Variants in KREMEN1 observed in about 807,000 individuals in gnomAD.
KREMEN1 encodes kremen protein 1.
In KREMEN1, 30 loss-of-function variants were observed where a neutral mutation model predicts 46.5. That is an observed-to-expected ratio of 0.65 (90% CI 0.48 to 0.88). KREMEN1 has a LOEUF of 0.88. Among genes scored for constraint, KREMEN1 ranks in the 40% least tolerant of loss-of-function variants. The pLI is 0.00. For synonymous variants in KREMEN1, 214 were observed against 230.6 expected, an observed-to-expected ratio of 0.93 and a Z score of 0.65; for missense variants, 533 against 596.9, an observed-to-expected ratio of 0.89 and a Z score of 1.11.
chr22:29,127,065 G>A (rs132272), intron 5 of KREMEN1, among the ~76,000 whole-genome samples: 149,012 of 152,314 alleles, frequency 0.98, 72,902 homozygotes, highest in East Asian at 1. Context: ...TGAACTTGCA[G>A]AATGCCTGGT....
At chr22:29,137,739 C>T (rs2038693508) in intron 6 of KREMEN1, 65 bp downstream of exon 6, 1 of 1,329,568 alleles carries the variant, frequency 7.5e-7, no homozygotes, top group South Asian at 1.5e-5. Flanking sequence ...CTCTTCTTCA[C>T]CCTTGTGACT....
intron 1 of KREMEN1, among the ~76,000 whole-genome samples, chr22:29,087,600 T>G (rs1190341615): frequency 6.6e-6 from 1 of 152,130 alleles, no homozygotes; most frequent in Non-Finnish European, 1.5e-5. Flanking sequence ...ATTTTACTCT[T>G]TGTTGCCCAG....
chr22:29,107,594 C>CTAAT (rs1349343457), intron 3 of KREMEN1, among the ~76,000 whole-genome samples: 1 of 151,990 alleles, frequency 6.6e-6, no homozygotes, highest in Non-Finnish European at 1.5e-5. Flanking sequence ...TTGAAATGAA[C>CTAAT]ATTAATAGGC....
Position 29,088,239 on chromosome 22 carries a change from T to A in KREMEN1, c.98-6019T>A, listed in dbSNP as rs2037756921. On this transcript the variant is annotated intron_variant, in intron 1 of 8. Coordinates refer to ENST00000400335, the MANE Select transcript of KREMEN1 (RefSeq NM_001039570.3). Reference sequence around the variant, plus strand: ...AGGATGATGTGCCCACATACTCATGTTATCTTACCTTTTATAGCTAATTAT... The same window carrying A: ...AGGATGATGTGCCCACATACTCATGATATCTTACCTTTTATAGCTAATTAT... Among the ~76,000 whole-genome samples, 2 of 152,182 alleles carry A rather than the reference T, an allele frequency of 1.3e-5. 1 individual carries two copies. Among genetic ancestry groups the A allele is most frequent in the South Asian group, 4.1e-4 (2 of 4,826 alleles).
rs1466538338 is a variant in KREMEN1 at position 29,140,301 on chromosome 22, G to A, written c.1143G>A (p.Leu381=). ...TTGCAGGATGGACAGTCTATGGTCTGGCAACTCTCCTCATCCTCACAGTCA... is the reference window on the plus strand; with the variant it reads ...TTGCAGGATGGACAGTCTATGGTCTAGCAACTCTCCTCATCCTCACAGTCA... ...QTVPGWTVYG[L]ATLLILTVTA... The change falls in exon 8 of 9, where the codon CTG becomes CTA. Residue 381 remains leucine (L), a synonymous_variant. Coordinates refer to ENST00000400335, the MANE Select transcript of KREMEN1 (RefSeq NM_001039570.3). 3.1e-6 allele frequency: 5 copies of A among 1,613,822 alleles called. No individual in the cohort carries two copies. In the African/African-American group the frequency reaches 4.0e-5, roughly 13 times the overall value.
Position 29,143,110 on chromosome 22 carries a change from A to G in KREMEN1, c.*998A>G. The G allele has an allele frequency of 2.6e-6, 2 of 771,428 alleles. No homozygotes were observed. Among genetic ancestry groups the G allele is most frequent in the Non-Finnish European group, 3.1e-6 (2 of 634,958 alleles). The allele number at this position is 771,428 out of a possible 1,614,324, so 47.8% of individuals were successfully genotyped here. The stretch of plus-strand genomic sequence containing the variant: ...GATTGCAGTGAGCCGAGATCGCACC[A>G]CTGCACTCCAGCCTGGGTGACAAGA... On this transcript the variant is annotated 3_prime_UTR_variant, in exon 9 of 9. Transcript: ENST00000400335.
intron 3 of KREMEN1, among the ~76,000 whole-genome samples, chr22:29,114,337 T>G (rs1453334525): frequency 6.6e-6 from 1 of 151,446 alleles, no homozygotes; most frequent in East Asian, 1.9e-4. Flanking sequence ...TACAAAAAAA[T>G]TAGCTAGGCA....
chr22:29,139,008 C>T (rs2038716182), intron 7 of KREMEN1, among the ~76,000 whole-genome samples: 1 of 152,188 alleles, frequency 6.6e-6, no homozygotes, highest in South Asian at 2.1e-4. Context: ...ATTAGGCAAG[C>T]GTGCCTTTTG....
intron 1 of KREMEN1, among the ~76,000 whole-genome samples, chr22:29,090,243 AC>A (rs2037785996): frequency 6.6e-6 from 1 of 152,154 alleles, no homozygotes; most frequent in South Asian, 2.1e-4. Flanking sequence ...TGTGTTTCTT[AC>A]TGGTTTAAGC....
At chr22:29,099,238 G>T in intron 3 of KREMEN1, 1 of 299,694 alleles carries the variant, frequency 3.3e-6, no homozygotes, top group Non-Finnish European at 6.2e-6. Flanking sequence ...GTATAGAGAG[G>T]GCAACCGCTC....
Position 29,143,558 on chromosome 22 carries a change from T to G in KREMEN1, c.*1446T>G, listed in dbSNP as rs132279. 1.3e-6 allele frequency: 1 copy of G among 775,116 alleles called. No individual in the cohort carries two copies. The highest frequency in any genetic ancestry group is 1.9e-5 in the African/African-American group (1 of 52,792). 48.0% of individuals were successfully genotyped at this position (775,116 alleles called of 1,614,324 possible). A position where few individuals can be genotyped will look rare whatever the true frequency, so the allele number is the denominator to read the frequency against. Reference sequence around the variant, plus strand: ...GTGATCGAAACCATCCTGGCTAAGATGGTGAAACCCCGTCTCTACTAAAAA... The same window carrying G: ...GTGATCGAAACCATCCTGGCTAAGAGGGTGAAACCCCGTCTCTACTAAAAA... On this transcript the variant is annotated 3_prime_UTR_variant, in exon 9 of 9. Transcript: ENST00000400335.
At chr22:29,156,916 A>C (rs2038967609) in intron 9 of KREMEN1, among the ~76,000 whole-genome samples, 1 of 152,232 alleles carries the variant, frequency 6.6e-6, no homozygotes, top group South Asian at 2.1e-4. Flanking sequence ...GAGGAAATTG[A>C]GTCTTGGAGA....
chr22:29,143,172 A>C lies in KREMEN1; in HGVS notation c.*1060A>C. 3 of 984,374 alleles carry C rather than the reference A, an allele frequency of 3.0e-6. No individual in the cohort carries two copies. The highest frequency in any genetic ancestry group is 3.6e-6 in the Non-Finnish European group (3 of 829,516). 61.0% of individuals were successfully genotyped at this position (984,374 alleles called of 1,614,324 possible). On this transcript the variant is annotated 3_prime_UTR_variant, in exon 9 of 9. Transcript: ENST00000400335. ...TCTCAAAAAAACAAAACACAAATAAACAAAAAAAATCCATTCATTTACTCA... is the reference window on the plus strand; with the variant it reads ...TCTCAAAAAAACAAAACACAAATAACCAAAAAAAATCCATTCATTTACTCA...
intron 9 of KREMEN1, among the ~76,000 whole-genome samples, chr22:29,156,760 G>A (rs755069096): frequency 4.6e-5 from 7 of 152,206 alleles, no homozygotes; most frequent in South Asian, 4.1e-4. Context: ...CTGCTGAGGG[G>A]CAGGCACTCG....
intron 3 of KREMEN1, among the ~76,000 whole-genome samples, chr22:29,105,431 G>T (rs2038040705): frequency 6.6e-6 from 1 of 151,916 alleles, no homozygotes; most frequent in Admixed American, 6.6e-5. Context: ...GGAACAGTTT[G>T]TGCCCCTGCA....
chr22:29,164,914 C>T (rs1353927705), intron 9 of KREMEN1, among the ~76,000 whole-genome samples: 1 of 151,936 alleles, frequency 6.6e-6, no homozygotes, highest in East Asian at 1.9e-4. Flanking sequence ...GTAGCTCAGG[C>T]CTCTAATCCC....
intron 1 of KREMEN1, among the ~76,000 whole-genome samples, chr22:29,092,696 TG>T (rs2037822778): frequency 6.6e-6 from 1 of 152,034 alleles, no homozygotes; most frequent in Non-Finnish European, 1.5e-5. Flanking sequence ...TTAGGGTTGG[TG>T]GGGTGTGGTG....
chr22:29,074,244 C>G (rs1426497258), intron 1 of KREMEN1, among the ~76,000 whole-genome samples: 1 of 152,232 alleles, frequency 6.6e-6, no homozygotes, highest in Non-Finnish European at 1.5e-5. Context: ...TCCGCTGGGC[C>G]GCTTTGAACT....
intron 3 of KREMEN1, among the ~76,000 whole-genome samples, chr22:29,115,811 C>A (rs2038229846): frequency 6.6e-6 from 1 of 152,172 alleles, no homozygotes; most frequent in African/African-American, 2.4e-5. Flanking sequence ...ATATTCTAAG[C>A]ACAGGGAATA....
Sources: allele counts gnomAD v4.1 joint callset (sites outside exome capture counted in the v4.1 genomes callset), GRCh38; gene constraint gnomAD v4.1.1; transcripts MANE v1.5; gene names NCBI Gene and HGNC (gene_info 2026-07-23, HGNC 2026-07-21).